The following MMP26 variants were observed in gnomAD, a reference collection of about 807,000 sequenced individuals.
MMP26 encodes matrix metalloproteinase-26.
MMP26 carries 33 observed loss-of-function variants against 31.0 expected under a neutral mutation model. The observed-to-expected ratio is 1.06, with a 90% CI of 0.81 to 1.42. The LOEUF is 1.42. Ranked by LOEUF, MMP26 falls within the 40% of genes most tolerant of loss-of-function variation. The pLI is 0.00. For synonymous variants in MMP26, 122 were observed against 114.9 expected (o/e 1.06, Z -0.40); for missense variants, 347 against 316.1 (o/e 1.10, Z -0.74).
intron 2 of MMP26, among the ~76,000 whole-genome samples, chr11:4,786,073 G>T (rs1848939609): frequency 6.6e-6 from 1 of 152,074 alleles, no homozygotes; most frequent in Admixed American, 6.5e-5. Context: ...TCTCTATGGG[G>T]TTCAATATAA....
At chr11:4,931,228 C>A (rs840711) in intron 2 of MMP26, among the ~76,000 whole-genome samples, 127,131 of 152,058 alleles carry the variant, frequency 0.84, 53,312 homozygotes, top group East Asian at 0.86. Flanking sequence ...AAGGGTTATC[C>A]ATGGGGAGCT....
rs369094880 is a variant in MMP26 at position 4,731,206 on chromosome 11, T to C, written c.-217+26161T>C. ...TGACCGCCTCAGCCTCCCAAAGTGCTGAGATTACAGGTGTGAGCCACTGTG... is the reference window on the plus strand; with the variant it reads ...TGACCGCCTCAGCCTCCCAAAGTGCCGAGATTACAGGTGTGAGCCACTGTG... On this transcript the variant is annotated intron_variant, in intron 1 of 7. Coordinates refer to ENST00000380390, the MANE Select transcript of MMP26 (RefSeq NM_021801.5). 1.3e-3 allele frequency among the ~76,000 whole-genome samples: 200 copies of C among 152,246 alleles called. 1 individual carries two copies. Among genetic ancestry groups the C allele is most frequent in the African/African-American group, 4.6e-3 (191 of 41,532 alleles).
At chr11:4,972,336 G>A (rs1253687292) in intron 2 of MMP26, among the ~76,000 whole-genome samples, 2 of 152,200 alleles carry the variant, frequency 1.3e-5, no homozygotes, top group Non-Finnish European at 2.9e-5. Context: ...CCATTGAAAT[G>A]TCAAAGACAG....
rs550538355 is a variant in MMP26 at position 4,975,379 on chromosome 11, C to T, written c.-144-12689C>T. 2.0e-5 allele frequency among the ~76,000 whole-genome samples: 3 copies of T among 152,082 alleles called. No homozygotes were observed. In the East Asian group the frequency reaches 5.8e-4, roughly 30 times the overall value. On this transcript the variant is annotated intron_variant, in intron 2 of 7. Transcript: ENST00000380390. ...ACTACCAACTGAAGGCTTTTTGTGC[C>T]TGTTAGGCCTAGTGTCCTCCAACTC...
intron 2 of MMP26, among the ~76,000 whole-genome samples, chr11:4,856,446 T>A (rs1003004354): frequency 5.3e-5 from 8 of 152,000 alleles, no homozygotes; most frequent in South Asian, 2.1e-4. Context: ...AACAGACTTT[T>A]AACCAACAAA....
intron 2 of MMP26, among the ~76,000 whole-genome samples, chr11:4,842,373 TA>T (rs1849808000): frequency 6.6e-6 from 1 of 152,132 alleles, no homozygotes; most frequent in African/African-American, 2.4e-5. Flanking sequence ...GTTTATAAAT[TA>T]AAGAGGTTTC....
chr11:4,878,988 C>G (rs1485806319), intron 2 of MMP26, among the ~76,000 whole-genome samples: 1 of 152,142 alleles, frequency 6.6e-6, no homozygotes, highest in Admixed American at 6.5e-5. Context: ...GTAATCCCAG[C>G]ATTTTGGGAA....
chr11:4,810,902 T>C (rs1849341041), intron 2 of MMP26, among the ~76,000 whole-genome samples: 1 of 152,204 alleles, frequency 6.6e-6, no homozygotes, highest in African/African-American at 2.4e-5. Flanking sequence ...AAAGAACGAT[T>C]TGTTTGCGAG....
intron 2 of MMP26, among the ~76,000 whole-genome samples, chr11:4,916,702 AG>A (rs1319682274): frequency 6.6e-6 from 1 of 152,118 alleles, no homozygotes; most frequent in African/African-American, 2.4e-5. Flanking sequence ...AAAGGTGGAG[AG>A]TATGTGAATG....
intron 2 of MMP26, among the ~76,000 whole-genome samples, chr11:4,961,721 T>C (rs1218059850): frequency 6.6e-6 from 1 of 152,226 alleles, no homozygotes; most frequent in Non-Finnish European, 1.5e-5. Context: ...TTTTAATTTT[T>C]GGGAGATTGC....
At chr11:4,763,420 A>G (rs1013557425) in intron 1 of MMP26, among the ~76,000 whole-genome samples, 1 of 152,204 alleles carries the variant, frequency 6.6e-6, no homozygotes, top group Non-Finnish European at 1.5e-5. Flanking sequence ...TCAATGAAAG[A>G]ATATTGCCTT....
At chr11:4,925,820 T>A (rs892779782) in intron 2 of MMP26, among the ~76,000 whole-genome samples, 2 of 152,082 alleles carry the variant, frequency 1.3e-5, no homozygotes, top group Non-Finnish European at 2.9e-5. Context: ...TGTTTGTTTG[T>A]TTTTTAGACA....
chr11:4,709,486 T>C (rs1847828340), intron 1 of MMP26: 19 of 365,862 alleles, frequency 5.2e-5, no homozygotes, highest in South Asian at 4.0e-4. Flanking sequence ...GTATGGTGTA[T>C]AGAAGAAAGT....
At chr11:4,839,778 T>C (rs1276070093) in intron 2 of MMP26, among the ~76,000 whole-genome samples, 2 of 151,594 alleles carry the variant, frequency 1.3e-5, no homozygotes, top group Non-Finnish European at 2.9e-5. Flanking sequence ...GTGCTGGCTA[T>C]GGGGAGAGAC....
At chr11:4,957,803 C>G (rs1046437880) in intron 2 of MMP26, among the ~76,000 whole-genome samples, 2 of 152,038 alleles carry the variant, frequency 1.3e-5, no homozygotes, top group Non-Finnish European at 2.9e-5. Context: ...CTCAACCTCC[C>G]AAGTAGCTGG....
intron 2 of MMP26, among the ~76,000 whole-genome samples, chr11:4,843,177 TA>T (rs1425084292): frequency 6.6e-6 from 1 of 152,220 alleles, no homozygotes; most frequent in Non-Finnish European, 1.5e-5. Context: ...TGGTGCAAGC[TA>T]TCGGTGGATC....
At chr11:4,860,329 G>T (rs1318803985) in intron 2 of MMP26, 1 of 471,332 alleles carries the variant, frequency 2.1e-6, no homozygotes. Flanking sequence ...GGAGGGCAAG[G>T]TGGACATGGA....
At chr11:4,896,578 G>T (rs1329213451) in intron 2 of MMP26, among the ~76,000 whole-genome samples, 1 of 152,198 alleles carries the variant, frequency 6.6e-6, no homozygotes, top group Non-Finnish European at 1.5e-5. Context: ...AGGAAAAGCA[G>T]TTGAGGCTAC....
rs1328160880 is a variant in MMP26, at chr11:4,714,090, T to C, written c.-217+9045T>C. On this transcript the variant is annotated intron_variant, in intron 1 of 7. Transcript: ENST00000380390. ...ATACATCCCCAGCTCCTCAGGCTCC[T>C]TTCTGGAAAACAGGCAGGAAAGAAC... 3.3e-5 allele frequency among the ~76,000 whole-genome samples: 5 copies of C among 152,238 alleles called. No homozygotes were observed. The East Asian group carries it at 9.7e-4, about 29-fold the overall frequency.
Sources: gnomAD v4.1 joint callset for allele counts (sites outside exome capture counted in the v4.1 genomes callset) on GRCh38, gnomAD v4.1.1 for gene constraint, MANE v1.5 for transcripts, NCBI Gene and HGNC (gene_info 2026-07-23, HGNC 2026-07-21) for gene names.